The following GLRA3 variants were observed in gnomAD, a reference collection of about 807,000 sequenced individuals.
GLRA3 encodes the protein glycine receptor alpha 3.
Under a neutral mutation model 60.4 loss-of-function variants are expected in GLRA3, and 44 were observed. That is an observed-to-expected ratio of 0.73 (90% CI 0.57 to 0.94). GLRA3 has a LOEUF of 0.94. Among genes scored for constraint, GLRA3 ranks in the 40% least tolerant of loss-of-function variants. The probability of loss-of-function intolerance (pLI) is 0.00; values close to 1 mark genes in which losing one functional copy is unlikely to be tolerated. For missense variants in GLRA3, 508 were observed against 564.6 expected (o/e 0.90, Z 1.02); for synonymous variants, 223 against 192.9 (o/e 1.16, Z -1.29).
At chr4:174,746,732 T>A (rs914823137) in intron 3 of GLRA3, among the ~76,000 whole-genome samples, 3 of 152,118 alleles carry the variant, frequency 2.0e-5, no homozygotes, top group Non-Finnish European at 4.4e-5. Context: ...TACCAATACA[T>A]AAAAATGGTA....
Position 174,643,033 on chromosome 4 carries a change from TA to T in GLRA3, c.*752del. ...GAATTGTTCAATGTTTGGCAATAACTAAAAATACATAGCTATAATACTTATT... is the reference window on the plus strand; with the variant it reads ...GAATTGTTCAATGTTTGGCAATAACTAAAATACATAGCTATAATACTTATT... On this transcript the variant is annotated 3_prime_UTR_variant, in exon 10 of 10. Transcript: ENST00000274093. The T allele has an allele frequency of 3.2e-6, 3 of 950,992 alleles. No individual in the cohort carries two copies. Among genetic ancestry groups the T allele is most frequent in the Non-Finnish European group, 3.8e-6 (3 of 799,174 alleles). The allele number at this position is 950,992 out of a possible 1,614,324, so 58.9% of individuals were successfully genotyped here. A position where few individuals can be genotyped will look rare whatever the true frequency, so the allele number is the denominator to read the frequency against.
rs113530386 is a variant in GLRA3 at position 174,798,899 on chromosome 4, C to A, written c.72-9956G>T. ...TAGCACCACTGCACTCCAGCCTGGG[C>A]GACAGAGGGAGACTCTGCCTGAAAA... On this transcript the variant is annotated intron_variant, in intron 1 of 9. Transcript: ENST00000274093. Among the ~76,000 whole-genome samples, 361 of 149,970 alleles carry A rather than the reference C, an allele frequency of 2.4e-3. 2 individuals are homozygous for A. The highest frequency in any genetic ancestry group is 8.4e-3 in the African/African-American group (341 of 40,694).
intron 2 of GLRA3, among the ~76,000 whole-genome samples, chr4:174,775,973 A>G (rs1738581568): frequency 6.6e-6 from 1 of 152,128 alleles, no homozygotes; most frequent in Non-Finnish European, 1.5e-5. Context: ...TAAGCCTAAA[A>G]TAAAAGCAAG....
At chr4:174,653,625 A>C (rs1733096590) in intron 9 of GLRA3, among the ~76,000 whole-genome samples, 1 of 152,030 alleles carries the variant, frequency 6.6e-6, no homozygotes, top group Admixed American at 6.6e-5. Context: ...AATATTATAG[A>C]GGACGGATAA....
At chr4:174,690,834 A>G (rs1392711474) in intron 5 of GLRA3, among the ~76,000 whole-genome samples, 16 of 152,212 alleles carry the variant, frequency 1.1e-4, no homozygotes, top group Admixed American at 7.2e-4. Flanking sequence ...CACAAAATAC[A>G]TGACCTTGTT....
At chr4:174,743,311 C>G (rs745890604) in intron 3 of GLRA3, among the ~76,000 whole-genome samples, 1 of 151,852 alleles carries the variant, frequency 6.6e-6, no homozygotes, top group African/African-American at 2.4e-5. Context: ...CTTTTTTTCT[C>G]GTGTAGGATC....
At chr4:174,714,319 C>G (rs1407267919) in intron 5 of GLRA3, among the ~76,000 whole-genome samples, 2 of 152,090 alleles carry the variant, frequency 1.3e-5, no homozygotes, top group Non-Finnish European at 2.9e-5. Flanking sequence ...CCTCAAATTG[C>G]CCTTCTTCAA....
At chr4:174,652,646 T>C (rs2110867593) in intron 9 of GLRA3, among the ~76,000 whole-genome samples, 1 of 152,246 alleles carries the variant, frequency 6.6e-6, no homozygotes, top group South Asian at 2.1e-4. Context: ...CTCTTTTCAT[T>C]TTATTTCAAT....
At chr4:174,762,381 G>A (rs1473753698) in intron 3 of GLRA3, among the ~76,000 whole-genome samples, 1 of 151,964 alleles carries the variant, frequency 6.6e-6, no homozygotes, top group Admixed American at 6.6e-5. Context: ...ACCACCTATA[G>A]CCAGCCCCCA....
intron 4 of GLRA3, among the ~76,000 whole-genome samples, chr4:174,726,367 G>C (rs931746117): frequency 1.3e-5 from 2 of 152,172 alleles, no homozygotes; most frequent in Non-Finnish European, 2.9e-5. Context: ...ATACCACCTG[G>C]TAAGACTGGA....
At chr4:174,703,622 T>G (rs765616870) in intron 5 of GLRA3, among the ~76,000 whole-genome samples, 3 of 152,206 alleles carry the variant, frequency 2.0e-5, no homozygotes, top group African/African-American at 4.8e-5. Context: ...CAATGCTATG[T>G]TCCTAATTCA....
chr4:174,782,801 G>A (rs1385986291), intron 2 of GLRA3, among the ~76,000 whole-genome samples: 4 of 151,926 alleles, frequency 2.6e-5, no homozygotes, highest in Non-Finnish European at 5.9e-5. Flanking sequence ...ACAAACCACT[G>A]CTCAAGGAAA....
At chr4:174,716,087 G>A (rs1050740354) in intron 4 of GLRA3, among the ~76,000 whole-genome samples, 1 of 152,094 alleles carries the variant, frequency 6.6e-6, no homozygotes, top group Non-Finnish European at 1.5e-5. Flanking sequence ...GGGTGGAGAG[G>A]AGCAATCATA....
At chr4:174,648,158 G>A (rs925001617) in intron 9 of GLRA3, among the ~76,000 whole-genome samples, 2 of 152,144 alleles carry the variant, frequency 1.3e-5, no homozygotes, top group African/African-American at 4.8e-5. Context: ...GAAGCCTGGG[G>A]TGGTATAAAT....
Position 174,641,385 on chromosome 4 carries a change from CT to C in GLRA3, c.*2400del, listed in dbSNP as rs1732617616. On this transcript the variant is annotated 3_prime_UTR_variant, in exon 10 of 10. Transcript: ENST00000274093. Reference sequence around the variant, plus strand: ...ATGTAATTTTTCAGTTTTAAAAGGTCTATAAGAGTTCGAAGGAGGAGACACA... The same window carrying C: ...ATGTAATTTTTCAGTTTTAAAAGGTCATAAGAGTTCGAAGGAGGAGACACA... 1 of 151,978 alleles carries C rather than the reference CT, an allele frequency of 6.6e-6. No individual in the cohort carries two copies. The highest frequency in any genetic ancestry group is 1.5e-5 in the Non-Finnish European group (1 of 67,936). 9.4% of individuals were successfully genotyped at this position (151,978 alleles called of 1,614,324 possible). A position where few individuals can be genotyped will look rare whatever the true frequency, so the allele number is the denominator to read the frequency against.
intron 3 of GLRA3, among the ~76,000 whole-genome samples, chr4:174,730,955 T>A (rs759051615): frequency 2.0e-5 from 3 of 152,214 alleles, no homozygotes; most frequent in Non-Finnish European, 2.9e-5. Flanking sequence ...TTAATAATAA[T>A]GTATATTTCA....
intron 1 of GLRA3, among the ~76,000 whole-genome samples, chr4:174,800,890 G>A (rs552312260): frequency 6.6e-6 from 1 of 151,432 alleles, no homozygotes; most frequent in South Asian, 2.1e-4. Context: ...ACAATGGCTG[G>A]CTTAAAATAA....
chr4:174,691,961 G>A (rs537830765), intron 5 of GLRA3, among the ~76,000 whole-genome samples: 7 of 151,774 alleles, frequency 4.6e-5, no homozygotes, highest in South Asian at 2.1e-4. Context: ...GTCTCTGCCC[G>A]GCCGCCCATC....
Position 174,642,510 on chromosome 4 carries a change from T to C in GLRA3, c.*1276A>G. The C allele has an allele frequency of 2.1e-6, 2 of 974,630 alleles. No homozygotes were observed. Among genetic ancestry groups the C allele is most frequent in the Non-Finnish European group, 2.4e-6 (2 of 820,184 alleles). The allele number at this position is 974,630 out of a possible 1,614,324, so 60.4% of individuals were successfully genotyped here. On this transcript the variant is annotated 3_prime_UTR_variant, in exon 10 of 10. Transcript: ENST00000274093. ...GTCTGGTTCTGTTTACCAAGAACTC[T>C]ATCATACATTTGCACCCAATTACAC...
Sources: allele counts gnomAD v4.1 joint callset (sites outside exome capture counted in the v4.1 genomes callset), GRCh38; gene constraint gnomAD v4.1.1; transcripts MANE v1.5; gene names NCBI Gene and HGNC (gene_info 2026-07-23, HGNC 2026-07-21).